ZNF488: variants seen among roughly 807,000 people sequenced by gnomAD.
ZNF488 encodes zinc finger protein 488.
In ZNF488, 1 loss-of-function variant was observed where a neutral mutation model predicts 1.2. The ratio of observed to expected loss-of-function variants is 0.86; its 90% CI spans 0.30 to 4.07. The LOEUF is 4.07. Among genes scored for constraint, ZNF488 ranks in the 30% most tolerant of loss-of-function variants. The pLI is 0.18. For synonymous variants in ZNF488, 185 were observed against 190.1 expected, an observed-to-expected ratio of 0.97 and a Z score of 0.22; for missense variants, 450 against 437.9, an observed-to-expected ratio of 1.03 and a Z score of -0.25.
chr10:47,378,334 A>G (rs1837775219), intron 1 of ZNF488, among the ~76,000 whole-genome samples: 2 of 152,166 alleles, frequency 1.3e-5, no homozygotes, highest in Non-Finnish European at 2.9e-5. Flanking sequence ...CCCTGCTGGG[A>G]TGCCTTCATC....
chr10:47,370,099 A>C (rs1837408185), intron 1 of ZNF488, among the ~76,000 whole-genome samples: 1 of 152,196 alleles, frequency 6.6e-6, no homozygotes, highest in African/African-American at 2.4e-5. Context: ...AGCCCTCCAT[A>C]TTCCCATAGG....
intron 1 of ZNF488, among the ~76,000 whole-genome samples, chr10:47,379,316 C>T (rs797042189): frequency 4.2e-3 from 599 of 143,480 alleles, no homozygotes; most frequent in African/African-American, 0.014. Flanking sequence ...AATGCCATCC[C>T]GATAAACTCA....
chr10:47,376,972 G>T (rs753424171), intron 1 of ZNF488, among the ~76,000 whole-genome samples: 53 of 152,218 alleles, frequency 3.5e-4, no homozygotes, highest in Non-Finnish European at 4.6e-4. Context: ...CGTCAGGGCT[G>T]CCATGCTGAC....
chr10:47,378,112 C>T (rs1455598887), intron 1 of ZNF488, among the ~76,000 whole-genome samples: 7 of 152,218 alleles, frequency 4.6e-5, no homozygotes, highest in East Asian at 3.9e-4. Context: ...CATCTCCACT[C>T]GCCAGAAGTG....
chr10:47,376,472 A>T (rs1837686415), intron 1 of ZNF488, among the ~76,000 whole-genome samples: 1 of 152,108 alleles, frequency 6.6e-6, no homozygotes, highest in South Asian at 2.1e-4. Context: ...CTGCCGAGGG[A>T]GGTATGGGAG....
rs782256398 is a variant in ZNF488, at chr10:47,368,452, T to G, written c.378A>C (p.Thr126=). Residue 126 remains threonine (T), a synonymous_variant, in exon 2 of 2, where the codon ACA becomes ACC. Transcript: ENST00000585316. ...TCAGCTGTGGGGCACCAGGTTGGCC[T>G]GTGGGGTCATCGTGCTCCCTCTCCT... ...QAQEREHDDP[T]GQPGAPQLTQ... 2 of 1,614,038 alleles carry G rather than the reference T, an allele frequency of 1.2e-6. No homozygotes were observed. The highest frequency in any genetic ancestry group is 2.2e-5 in the South Asian group (2 of 91,076).
rs1379684732 is a variant in ZNF488 at position 47,366,003 on chromosome 10, C to A, written c.*1804G>T. 1 of 167,074 alleles carries A rather than the reference C, an allele frequency of 6.0e-6. No homozygotes were observed. The highest frequency in any genetic ancestry group is 2.4e-5 in the African/African-American group (1 of 41,456). 10.3% of individuals were successfully genotyped at this position (167,074 alleles called of 1,614,324 possible). On this transcript the variant is annotated 3_prime_UTR_variant, in exon 2 of 2. Coordinates refer to ENST00000585316, the MANE Select transcript of ZNF488 (RefSeq NM_153034.4). ...TAGCTTCAGGGAAGTGTCAGAAACACTGGAAGTGTTATAGCATCATCTGCA... is the reference window on the plus strand; with the variant it reads ...TAGCTTCAGGGAAGTGTCAGAAACAATGGAAGTGTTATAGCATCATCTGCA...
At chr10:47,373,080 T>A (rs1033261698) in intron 1 of ZNF488, among the ~76,000 whole-genome samples, 1 of 152,118 alleles carries the variant, frequency 6.6e-6, no homozygotes, top group African/African-American at 2.4e-5. Context: ...ACACTAGATT[T>A]TTCCAACCCC....
chr10:47,372,338 G>A (rs1837501976), intron 1 of ZNF488, among the ~76,000 whole-genome samples: 1 of 152,210 alleles, frequency 6.6e-6, no homozygotes, highest in Non-Finnish European at 1.5e-5. Context: ...TGCAGGAAGA[G>A]AACCTGAAAT....
At chr10:47,369,217 G>A (rs1837370390) in intron 1 of ZNF488, among the ~76,000 whole-genome samples, 1 of 152,210 alleles carries the variant, frequency 6.6e-6, no homozygotes, top group African/African-American at 2.4e-5. Context: ...GGATTCCCCT[G>A]TCAAAAGTGG....
intron 1 of ZNF488, among the ~76,000 whole-genome samples, chr10:47,374,224 A>T (rs782073237): frequency 7.9e-5 from 12 of 152,232 alleles, no homozygotes; most frequent in Non-Finnish European, 1.3e-4. Context: ...TTTATGTGGC[A>T]TTATGATGCA....
chr10:47,370,752 C>A (rs1462105778), intron 1 of ZNF488, among the ~76,000 whole-genome samples: 1 of 152,146 alleles, frequency 6.6e-6, no homozygotes, highest in Non-Finnish European at 1.5e-5. Flanking sequence ...TGCTTATGAA[C>A]GAATGCTGAG....
chr10:47,369,279 G>A (rs1555213572), intron 1 of ZNF488, among the ~76,000 whole-genome samples: 1 of 152,206 alleles, frequency 6.6e-6, no homozygotes, highest in East Asian at 1.9e-4. Context: ...GGAAGGGAAA[G>A]AGCCTGCTCT....
Position 47,375,685 on chromosome 10 carries a change from G to A in ZNF488, c.-108-6748C>T, listed in dbSNP as rs182108348. On this transcript the variant is annotated intron_variant, in intron 1 of 1. Transcript: ENST00000585316. ...ACAAACAAGTGAAGTTCTGACATAT[G>A]TTCATTGTTCCACTTTCATCTTACA... Among the ~76,000 whole-genome samples the A allele has an allele frequency of 1.9e-4, 29 of 152,300 alleles. No homozygotes were observed. In the East Asian group the frequency reaches 5.6e-3, roughly 29 times the overall value.
Position 47,366,239 on chromosome 10 carries a change from C to T in ZNF488, c.*1568G>A, listed in dbSNP as rs35515471. The T allele has an allele frequency of 0.21, 34,613 of 167,096 alleles. 3,870 individuals are homozygous for T. Among genetic ancestry groups the T allele is most frequent in the Middle Eastern group, 0.31 (92 of 296 alleles). The allele number at this position is 167,096 out of a possible 1,614,324, so 10.4% of individuals were successfully genotyped here. ...GGGTTAGGCCTGTAAGTGTGAAGGG[C>T]AGCCACAGGGTTGGAGGCATCATCT... On this transcript the variant is annotated 3_prime_UTR_variant, in exon 2 of 2. Coordinates refer to ENST00000585316, the MANE Select transcript of ZNF488 (RefSeq NM_153034.4).
chr10:47,371,671 G>A lies in ZNF488; in HGVS notation c.-108-2734C>T, dbSNP rs116655721. Among the ~76,000 whole-genome samples the A allele has an allele frequency of 6.9e-3, 1,043 of 151,996 alleles. 15 individuals are homozygous for A. Among genetic ancestry groups the A allele is most frequent in the African/African-American group, 0.024 (984 of 41,432 alleles). The stretch of plus-strand genomic sequence containing the variant: ...AGGCGGCAGTGCCCTTTTCTGCTTG[G>A]TCGGGGTCAGAATTCTGTAAGGGAT... On this transcript the variant is annotated intron_variant, in intron 1 of 1. Transcript: ENST00000585316.
intron 1 of ZNF488, among the ~76,000 whole-genome samples, chr10:47,378,978 C>G (rs998388819): frequency 1.3e-5 from 2 of 152,120 alleles, no homozygotes; most frequent in South Asian, 4.2e-4. Flanking sequence ...TCTGTGTTCC[C>G]GAGCAAAGCA....
chr10:47,368,314 C>T lies in ZNF488; in HGVS notation c.516G>A (p.Glu172=). The part of the protein sequence containing the change: ...AFSKPTKRPA[E]RPELTSVFPA... ...GGAAGACTGAGGTTAGCTCAGGCCT[C>T]TCTGCTGGTCGCTTGGTTGGTTTGC... is the stretch of plus-strand genomic sequence containing the variant. Residue 172 remains glutamate (E), a synonymous_variant, in exon 2 of 2, where the codon GAG becomes GAA. Transcript: ENST00000585316. 1 of 1,614,232 alleles carries T rather than the reference C, an allele frequency of 6.2e-7. No homozygotes were observed. Among genetic ancestry groups the T allele is most frequent in the Non-Finnish European group, 8.5e-7 (1 of 1,180,050 alleles).
At chr10:47,384,050 C>A (rs1179735751) in intron 1 of ZNF488, among the ~76,000 whole-genome samples, 170 bp downstream of exon 1, 1 of 152,044 alleles carries the variant, frequency 6.6e-6, no homozygotes, top group Admixed American at 6.6e-5. Context: ...GACTCGGAGA[C>A]GACGTGGGAG....
Sources: allele counts gnomAD v4.1 joint callset (sites outside exome capture counted in the v4.1 genomes callset), GRCh38; gene constraint gnomAD v4.1.1; transcripts MANE v1.5; gene names NCBI Gene and HGNC (gene_info 2026-07-23, HGNC 2026-07-21).